The following MEGF6 variants were observed in gnomAD, a reference collection of about 807,000 sequenced individuals.
MEGF6 encodes the protein multiple epidermal growth factor-like domains protein 6.
In MEGF6, 184 loss-of-function variants were observed where a neutral mutation model predicts 207.1. The observed-to-expected ratio is 0.89, with a 90% confidence interval of 0.79 to 1.00. The LOEUF is 1.00. Ranked by LOEUF, MEGF6 falls within the 50% of genes least tolerant of loss-of-function variation. The pLI, the probability that MEGF6 is intolerant of heterozygous loss-of-function variation, is 0.00. For synonymous variants in MEGF6, 1,038 were observed against 910.0 expected (o/e 1.14, Z -2.53); for missense variants, 2,282 against 2,202.9 (o/e 1.04, Z -0.72).
chr1:3,549,573 T>G (rs1404902244), intron 4 of MEGF6, among the ~76,000 whole-genome samples: 1 of 152,094 alleles, frequency 6.6e-6, no homozygotes, highest in African/African-American at 2.4e-5. Context: ...AGGCACCCCG[T>G]TGGTTGACTG....
rs746036393 is a variant in MEGF6 at position 3,501,042 on chromosome 1, G to A, written c.2499C>T (p.Ala833=). The A allele has an allele frequency of 1.2e-6, 2 of 1,612,666 alleles. No individual in the cohort carries two copies. Among genetic ancestry groups the A allele is most frequent in the East Asian group, 2.2e-5 (1 of 44,892 alleles). ...TGGCTGGGTGGCAGTGCCCATCATT[G>A]GCACAAGAGCACCTTGTCTGGCAGC... ...GPSCQTRCSC[A]NDGHCHPATG... is the part of the protein sequence containing the mutation. The change falls in exon 20 of 37, where the codon GCC becomes GCT. Residue 833 remains alanine (A), a synonymous_variant. Coordinates refer to ENST00000356575, the MANE Select transcript of MEGF6 (RefSeq NM_001409.4).
chr1:3,569,629 C>T (rs1643442198), intron 4 of MEGF6, among the ~76,000 whole-genome samples: 1 of 152,222 alleles, frequency 6.6e-6, no homozygotes, highest in Non-Finnish European at 1.5e-5. Flanking sequence ...GGTCTCCGGC[C>T]TGGGGCAGGC....
chr1:3,581,311 C>T (rs754656716), intron 3 of MEGF6, among the ~76,000 whole-genome samples: 7 of 152,182 alleles, frequency 4.6e-5, no homozygotes, highest in Non-Finnish European at 1.0e-4. Context: ...GGCATGGCGG[C>T]ATCCCCTCCC....
At chr1:3,517,122 C>T (rs963528405) in intron 5 of MEGF6, among the ~76,000 whole-genome samples, 9 of 152,222 alleles carry the variant, frequency 5.9e-5, no homozygotes, top group African/African-American at 9.6e-5. Context: ...TTGTGTTCAC[C>T]GCAGCAACAG....
chr1:3,602,709 ACCCG>A (rs932017439), intron 1 of MEGF6, 109 bp from the exon 2 acceptor site: 2 of 1,441,638 alleles, frequency 1.4e-6, no homozygotes, highest in African/African-American at 2.9e-5. Flanking sequence ...TGAGGTCCAG[ACCCG>A]TGGCCAGGCC....
rs983213493 is a variant in MEGF6, at chr1:3,501,133, C to T, written c.2447-39G>A. The T allele has an allele frequency of 2.5e-6, 4 of 1,612,506 alleles. No individual in the cohort carries two copies. In the African/African-American group the frequency reaches 4.0e-5, roughly 16 times the overall value. ...AGAGAGGGTGAGTGGGGCCTGGCCACCTACCCCAGGTCAAAGGCTCAGGGG... is the reference window on the plus strand; with the variant it reads ...AGAGAGGGTGAGTGGGGCCTGGCCATCTACCCCAGGTCAAAGGCTCAGGGG... On this transcript the variant is annotated intron_variant, in intron 19 of 36. Transcript: ENST00000356575.
chr1:3,518,454 G>A (rs911761636), intron 5 of MEGF6, among the ~76,000 whole-genome samples: 10 of 152,158 alleles, frequency 6.6e-5, no homozygotes, highest in African/African-American at 2.4e-4. Context: ...GCCTCCTTCC[G>A]TCTGAGCTGC....
At chr1:3,586,757 A>G (rs1643899393) in intron 3 of MEGF6, among the ~76,000 whole-genome samples, 1 of 152,192 alleles carries the variant, frequency 6.6e-6, no homozygotes, top group African/African-American at 2.4e-5. Context: ...GCCCCTTCCC[A>G]GCAGGCCCAG....
intron 17 of MEGF6, 143 bp downstream of exon 17, chr1:3,505,065 C>T (rs1173377699): frequency 5.2e-5 from 52 of 1,006,960 alleles, no homozygotes; most frequent in South Asian, 4.9e-4. Flanking sequence ...AAGGCAACAC[C>T]GGTAGCAAGG....
At chr1:3,532,735 T>C (rs1012696098) in intron 4 of MEGF6, among the ~76,000 whole-genome samples, 2 of 152,128 alleles carry the variant, frequency 1.3e-5, no homozygotes, top group Non-Finnish European at 2.9e-5. Flanking sequence ...GGGTGCATGC[T>C]CCCTGGGCCA....
intron 5 of MEGF6, among the ~76,000 whole-genome samples, chr1:3,519,318 G>A (rs931036518): frequency 6.6e-6 from 1 of 152,256 alleles, no homozygotes; most frequent in African/African-American, 2.4e-5. Context: ...GCCTACCAGG[G>A]GCACCGTGTG....
At position 3,498,770 on chromosome 1, in the gene MEGF6, C is replaced by A; in HGVS notation, c.3151G>T (p.Gly1051Ter). The A allele has an allele frequency of 6.4e-7, 1 of 1,558,134 alleles. No individual in the cohort carries two copies. Among genetic ancestry groups the A allele is most frequent in the Non-Finnish European group, 8.7e-7 (1 of 1,151,718 alleles). Residue 1051 changes from glycine to a stop codon, truncating the protein, a stop_gained, in exon 25 of 37, where the codon GGA (glycine) becomes TGA (stop). Transcript: ENST00000356575. LOFTEE classifies it high-confidence loss of function. ...NCRHSCLCQN[G>*]GTCDPVSGHC... ...CCTGAGACAGGGTCACAGGTCCCTC[C>A]GTTCTGGCAGAGGCAGGAATGCCGA...
chr1:3,556,792 C>CA lies in MEGF6; in HGVS notation c.481+23032dup, dbSNP rs1321399830. ...ATGCAGGTACTTCACGTCCCTGTCCCAACCACACGCGCTCACAGACCGGAG... is the reference window on the plus strand; with the variant it reads ...ATGCAGGTACTTCACGTCCCTGTCCCAAACCACACGCGCTCACAGACCGGAG... On this transcript the variant is annotated intron_variant, in intron 4 of 36. Transcript: ENST00000356575. The surrounding 1 kb of genome is among the most constrained non-coding windows in gnomAD (Gnocchi z 4.4). 6.6e-6 allele frequency among the ~76,000 whole-genome samples: 1 copy of CA among 152,206 alleles called. No individual in the cohort carries two copies. Among genetic ancestry groups the CA allele is most frequent in the Non-Finnish European group, 1.5e-5 (1 of 68,048 alleles).
rs1324664927 is a variant in MEGF6 at position 3,500,993 on chromosome 1, CG to C, written c.2547del (p.Trp851GlyfsTer121). The part of the protein sequence containing the change: ...HPATGHCSCA[P>X]GWTGFSCQRA... ...CTCTGGCAGCTAAAGCCGGTCCACC[CG>C]GGGGCACAGCTGCAGTGTCCGGTGG... On this transcript the variant is annotated frameshift_variant, in exon 20 of 37. Transcript: ENST00000356575. LOFTEE classifies it high-confidence loss of function. 6.2e-7 allele frequency: 1 copy of C among 1,612,202 alleles called. No homozygotes were observed. Among genetic ancestry groups the C allele is most frequent in the Non-Finnish European group, 8.5e-7 (1 of 1,179,964 alleles).
rs541529839 is a variant in MEGF6, at chr1:3,493,814, G to A, written c.4344C>T (p.Leu1448=). The change falls in exon 34 of 37, where the codon CTC becomes CTT. Residue 1448 remains leucine (L), a synonymous_variant. Transcript: ENST00000356575. ...CTGAGCGCCCTGGTGGGCAAAGGCA[G>A]AGACCGGTGACAGGGTCACAGGGTG... ...GGAPCDPVTG[L]CLCPPGRSGA... 16 of 1,610,522 alleles carry A rather than the reference G, an allele frequency of 9.9e-6. No individual in the cohort carries two copies. In the South Asian group the frequency reaches 1.8e-4, roughly 18 times the overall value.
chr1:3,508,879 G>A (rs553077983), intron 12 of MEGF6, among the ~76,000 whole-genome samples, 190 bp from the exon 13 acceptor site: 9 of 152,176 alleles, frequency 5.9e-5, no homozygotes, highest in African/African-American at 1.9e-4. Flanking sequence ...CTGTGAGCCC[G>A]GTCCCGCCCG....
Position 3,496,025 on chromosome 1 carries a change from G to A in MEGF6, c.3743-7C>T, listed in dbSNP as rs1640587994. 6.6e-7 allele frequency: 1 copy of A among 1,509,288 alleles called. No homozygotes were observed. Among genetic ancestry groups the A allele is most frequent in the Non-Finnish European group, 8.8e-7 (1 of 1,134,246 alleles). 93.5% of individuals were successfully genotyped at this position (1,509,288 alleles called of 1,614,324 possible). ...AAGCGGCCCTGCGGACAGGCTGCCG[G>A]GGAGGAAGTGGTGATCGTGGCTGGC... On this transcript the variant is annotated splice_polypyrimidine_tract_variant and splice_region_variant and intron_variant, in intron 29 of 36. Transcript: ENST00000356575.
intron 5 of MEGF6, among the ~76,000 whole-genome samples, chr1:3,520,202 G>A (rs1358857398): frequency 6.6e-5 from 10 of 152,234 alleles, no homozygotes; most frequent in African/African-American, 2.2e-4. Context: ...AGGCACATGA[G>A]GGAACAGCCA....
rs1213245764 is a variant in MEGF6, at chr1:3,509,982, C to T, written c.1245G>A (p.Glu415=). The change falls in exon 11 of 37, where the codon GAG becomes GAA. Residue 415 remains glutamate, a synonymous_variant. Transcript: ENST00000356575. ...ADGCGCEDVD[E]CASSRGGCEH... is the part of the protein sequence containing the mutation. ...CGCAGCCGCCACGGCTGGAGGCGCA[C>T]TCATCCACATCTGCGGGCGACCCGG... 2 of 1,585,992 alleles carry T rather than the reference C, an allele frequency of 1.3e-6. No individual in the cohort carries two copies. Among genetic ancestry groups the T allele is most frequent in the East Asian group, 2.3e-5 (1 of 44,144 alleles).
Sources: gnomAD v4.1 joint callset for allele counts (sites outside exome capture counted in the v4.1 genomes callset) on GRCh38, gnomAD v4.1.1 for gene constraint, Gnocchi (gnomAD v3.1) non-coding constraint, MANE v1.5 for transcripts, NCBI Gene and HGNC (gene_info 2026-07-23, HGNC 2026-07-21) for gene names.